The following SMG5 variants were observed in gnomAD, a reference collection of about 807,000 sequenced individuals.
SMG5 encodes nonsense-mediated mRNA decay factor SMG5.
A neutral mutation model predicts 122.9 loss-of-function variants in SMG5; 53 were observed. The ratio of observed to expected loss-of-function variants is 0.43; its 90% CI spans 0.35 to 0.54. SMG5 has a LOEUF of 0.54. Among genes scored for constraint, SMG5 ranks in the 20% least tolerant of loss-of-function variants. The probability of loss-of-function intolerance (pLI) is 0.01; values close to 1 mark genes in which losing one functional copy is unlikely to be tolerated. For synonymous variants in SMG5, 477 were observed against 490.2 expected, an observed-to-expected ratio of 0.97 and a Z score of 0.35; for missense variants, 1,153 against 1,285.6, an observed-to-expected ratio of 0.90 and a Z score of 1.58.
chr1:156,266,486 AT>A, intron 11 of SMG5, 54 bp downstream of exon 11: 4 of 1,611,602 alleles, frequency 2.5e-6, no homozygotes, highest in Non-Finnish European at 3.4e-6. Flanking sequence ...CCTTTCCTTC[AT>A]CCCCATGCCC....
chr1:156,279,873 C>A (rs1662853595), intron 1 of SMG5, among the ~76,000 whole-genome samples: 2 of 152,036 alleles, frequency 1.3e-5, no homozygotes, highest in South Asian at 4.1e-4. Context: ...GGCATGAAAC[C>A]AGACCGCCTG....
the SMG5 span, chr1:156,291,236 GTGCATAAA>G: frequency 3.1e-6 from 2 of 644,268 alleles, no homozygotes; most frequent in South Asian, 3.6e-5. Flanking sequence ...TACATGTTAA[GTGCATAAA>G]CTTTGGCTGT....
At chr1:156,276,893 C>T (rs1244481060) in intron 4 of SMG5, among the ~76,000 whole-genome samples, 192 bp downstream of exon 4, 1 of 152,262 alleles carries the variant, frequency 6.6e-6, no homozygotes, top group Non-Finnish European at 1.5e-5. Context: ...CCAGGCCTCT[C>T]TCTTTCCTTA....
At chr1:156,251,126 T>C (rs1479637049) in intron 20 of SMG5, 130 bp from the exon 21 acceptor site, 1 of 1,292,426 alleles carries the variant, frequency 7.7e-7, no homozygotes, top group Non-Finnish European at 1.1e-6. Flanking sequence ...CCCTGGAAGC[T>C]GGCCCTGGAG....
intron 16 of SMG5, among the ~76,000 whole-genome samples, chr1:156,254,452 C>A (rs1270634431): frequency 6.6e-5 from 10 of 152,060 alleles, no homozygotes; most frequent in African/African-American, 2.4e-4. Context: ...TTATGTTTTT[C>A]TTTTCTTTTG....
rs757256502 is a variant in SMG5 at position 156,268,176 on chromosome 1, CTT to C, written c.845_846del (p.Lys282ArgfsTer3). On this transcript the variant is annotated frameshift_variant, in exon 9 of 22. Transcript: ENST00000361813. LOFTEE classifies it high-confidence loss of function. ...RKLSPGKKRC[K>X]DIKRLLVNFM... ...AAGTTCACTAGCAACCTTTTAATGT[CTT>C]TACATCTGAAATGAGAAGAGCCCAA... 1 of 1,614,180 alleles carries C rather than the reference CTT, an allele frequency of 6.2e-7. No individual in the cohort carries two copies. The highest frequency in any genetic ancestry group is 1.7e-5 in the Admixed American group (1 of 60,028).
Position 156,272,255 on chromosome 1 carries a change from G to A in SMG5, c.713+65C>T. On this transcript the variant is annotated intron_variant, in intron 7 of 21. Transcript: ENST00000361813. ...CTAGAGGAAGGAGGAAGGGAAGACGGAAAACAAAGCCAAAATAATATGCAC... is the reference window on the plus strand; with the variant it reads ...CTAGAGGAAGGAGGAAGGGAAGACGAAAAACAAAGCCAAAATAATATGCAC... 2.8e-6 allele frequency: 4 copies of A among 1,453,314 alleles called. No individual in the cohort carries two copies. In the South Asian group the frequency reaches 4.8e-5, roughly 18 times the overall value. The allele number at this position is 1,453,314 out of a possible 1,614,324, so 90.0% of individuals were successfully genotyped here. A position where few individuals can be genotyped will look rare whatever the true frequency, so the allele number is the denominator to read the frequency against.
intron 20 of SMG5, 121 bp downstream of exon 20, chr1:156,251,282 G>T: frequency 8.4e-7 from 1 of 1,188,108 alleles, no homozygotes; most frequent in Non-Finnish European, 1.3e-6. Context: ...CTGCAGGAGG[G>T]CCCTGGCAGG....
At chr1:156,286,468 C>G (rs780406047), upstream of SMG5, 114 of 1,614,044 alleles carry the variant, frequency 7.1e-5, no homozygotes, top group Admixed American at 1.9e-3. Flanking sequence ...TCTTTGCCGT[C>G]TCCCGGTAAG....
rs1302167304 is a variant in SMG5, at chr1:156,275,858, G to A, written c.455-1172C>T. On this transcript the variant is annotated intron_variant, in intron 4 of 21. Transcript: ENST00000361813. ...AGAGAAGGTCTTGCTGTATTGCCCC[G>A]GCTGGAGTTCCAGCGATGAAATCAT... 4.2e-4 allele frequency among the ~76,000 whole-genome samples: 62 copies of A among 147,158 alleles called. 1 individual carries two copies. Among genetic ancestry groups the A allele is most frequent in the Non-Finnish European group, 1.3e-4 (9 of 67,266 alleles).
chr1:156,254,895 G>A (rs139399073), intron 16 of SMG5, among the ~76,000 whole-genome samples: 2,320 of 151,784 alleles, frequency 0.015, 30 homozygotes, highest in Non-Finnish European at 0.023. Context: ...TTCGAGAGCA[G>A]CCTGGCCAAC....
chr1:156,276,049 T>G (rs1056891163), intron 4 of SMG5, among the ~76,000 whole-genome samples: 15 of 151,924 alleles, frequency 9.9e-5, no homozygotes, highest in Admixed American at 9.2e-4. Context: ...TTCCTGGCCT[T>G]AAGCAATCCT....
At chr1:156,261,746 C>T (rs1283063371) in intron 13 of SMG5, among the ~76,000 whole-genome samples, 1 of 151,942 alleles carries the variant, frequency 6.6e-6, no homozygotes, top group Non-Finnish European at 1.5e-5. Flanking sequence ...AAAAATTAGC[C>T]AGGCATGGTG....
intron 13 of SMG5, among the ~76,000 whole-genome samples, chr1:156,262,913 C>T (rs570872765): frequency 1.3e-5 from 2 of 152,338 alleles, no homozygotes; most frequent in South Asian, 4.1e-4. Flanking sequence ...GCTACCATGG[C>T]CCCACCCAGC....
chr1:156,265,362 G>C (rs1021936027), intron 12 of SMG5, among the ~76,000 whole-genome samples: 2 of 152,188 alleles, frequency 1.3e-5, no homozygotes, highest in Non-Finnish European at 2.9e-5. Context: ...AACGGTTGCT[G>C]CTACTAAATG....
Position 156,266,270 on chromosome 1 carries a change from G to A in SMG5, c.1366C>T (p.Leu456Phe), listed in dbSNP as rs934471492. The A allele has an allele frequency of 6.2e-7, 1 of 1,614,222 alleles. No homozygotes were observed. Among genetic ancestry groups the A allele is most frequent in the Admixed American group, 1.7e-5 (1 of 60,030 alleles). ...TGGCGGCGACGGCGGAGACAGGAGA[G>A]GCGAGAGAACTTACGGCTCTTTCTG... ...EGRKSRKFSR[L>F]SCLRRRRHPP... Residue 456 changes from leucine (L) to phenylalanine (F), a missense_variant, in exon 12 of 22, where the codon CTC becomes TTC. Physicochemically the swap from Leu to Phe is conservative, Grantham distance 22. Coordinates refer to ENST00000361813, the MANE Select transcript of SMG5 (RefSeq NM_015327.3).
At position 156,258,992 on chromosome 1, in the gene SMG5, A is replaced by C. The variant is rs2103215184; in HGVS notation, c.2442+13T>G. On this transcript the variant is annotated intron_variant, in intron 16 of 21. Transcript: ENST00000361813. ...GGGAGCAGAGCTGACGGGGAGGGGA[A>C]GGCCTGACTCACCATTCGGAACTGT... 2 of 1,613,300 alleles carry C rather than the reference A, an allele frequency of 1.2e-6. No individual in the cohort carries two copies. Among genetic ancestry groups the C allele is most frequent in the Non-Finnish European group, 1.7e-6 (2 of 1,179,670 alleles).
upstream of SMG5, chr1:156,286,503 A>G: frequency 6.2e-7 from 1 of 1,607,840 alleles, no homozygotes; most frequent in Non-Finnish European, 8.5e-7. Flanking sequence ...GGGGCATGGG[A>G]GAGGGGATGG....
At chr1:156,283,105 A>G (rs1663045878), upstream of SMG5, 5 of 355,460 alleles carry the variant, frequency 1.4e-5, no homozygotes, top group South Asian at 4.9e-4. Flanking sequence ...TTGTCCTACA[A>G]TGGTCATTTG....
Sources: gnomAD v4.1 joint callset for allele counts (sites outside exome capture counted in the v4.1 genomes callset) on GRCh38, gnomAD v4.1.1 for gene constraint, MANE v1.5 for transcripts, NCBI Gene and HGNC (gene_info 2026-07-23, HGNC 2026-07-21) for gene names.